The following IL5RA variants were observed in gnomAD, a reference collection of about 807,000 sequenced individuals.
IL5RA encodes interleukin-5 receptor subunit alpha.
In IL5RA, 49 loss-of-function variants were observed where a neutral mutation model predicts 50.0. The ratio of observed to expected loss-of-function variants is 0.98; its 90% CI spans 0.78 to 1.24. The LOEUF (loss-of-function observed/expected upper bound fraction) is 1.24. Ranked by LOEUF, IL5RA falls within the 50% of genes most tolerant of loss-of-function variation. The probability of loss-of-function intolerance (pLI) is 0.00; values close to 1 mark genes in which losing one functional copy is unlikely to be tolerated. For synonymous variants in IL5RA, 202 were observed against 174.0 expected, an observed-to-expected ratio of 1.16 and a Z score of -1.26; for missense variants, 600 against 500.4, an observed-to-expected ratio of 1.20 and a Z score of -1.90.
At chr3:3,081,170 G>A (rs953074525) in intron 9 of IL5RA, among the ~76,000 whole-genome samples, 1 of 152,076 alleles carries the variant, frequency 6.6e-6, no homozygotes, top group African/African-American at 2.4e-5. Flanking sequence ...TTAATACTCC[G>A]TTCTCTGGAT....
At chr3:3,097,538 C>T (rs370186776) in intron 7 of IL5RA, among the ~76,000 whole-genome samples, 3 of 152,102 alleles carry the variant, frequency 2.0e-5, no homozygotes, top group East Asian at 1.9e-4. Flanking sequence ...GAAATTTTAC[C>T]CCTTGAGGGG....
intron 9 of IL5RA, among the ~76,000 whole-genome samples, chr3:3,078,834 CA>C (rs371826442): frequency 0.23 from 30,546 of 135,412 alleles, 3,643 homozygotes; most frequent in Non-Finnish European, 0.31. Context: ...GACTCCGTCT[CA>C]AAAAAAAAAA....
chr3:3,090,570 C>CTTTT (rs35917277), intron 9 of IL5RA, among the ~76,000 whole-genome samples: 5 of 113,680 alleles, frequency 4.4e-5, no homozygotes, highest in Admixed American at 9.1e-5. Flanking sequence ...TCTTTTCTTT[C>CTTTT]TTTTTTTTTT....
At chr3:3,086,806 A>T (rs1200397350) in intron 9 of IL5RA, among the ~76,000 whole-genome samples, 1 of 152,240 alleles carries the variant, frequency 6.6e-6, no homozygotes, top group Non-Finnish European at 1.5e-5. Context: ...AAGATATGGA[A>T]TCCACCTAAG....
At chr3:3,074,734 A>C in intron 11 of IL5RA, 48 bp downstream of exon 11, 2 of 1,084,556 alleles carry the variant, frequency 1.8e-6, no homozygotes, top group Admixed American at 1.8e-5. Flanking sequence ...CTCCCAGGGG[A>C]CTCAACCCTG....
At chr3:3,090,919 C>T (rs1703070912) in intron 9 of IL5RA, among the ~76,000 whole-genome samples, 1 of 152,122 alleles carries the variant, frequency 6.6e-6, no homozygotes, top group Non-Finnish European at 1.5e-5. Flanking sequence ...TACCACATGT[C>T]CTGGGTGTGG....
In IL5RA at chr3:3,069,764, C is replaced by A; in HGVS notation, c.*461G>T. On this transcript the variant is annotated 3_prime_UTR_variant, in exon 12 of 12. Transcript: ENST00000446632. Reference sequence around the variant, plus strand: ...GCTATAGAAAAGACAGTCTTGAATCCAAGTTCATGGTTCACTCCAGGCTGA... The same window carrying A: ...GCTATAGAAAAGACAGTCTTGAATCAAAGTTCATGGTTCACTCCAGGCTGA... 1 of 156,064 alleles carries A rather than the reference C, an allele frequency of 6.4e-6. No homozygotes were observed. Among genetic ancestry groups the A allele is most frequent in the Non-Finnish European group, 1.4e-5 (1 of 70,780 alleles). 9.7% of individuals were successfully genotyped at this position (156,064 alleles called of 1,614,324 possible). A position where few individuals can be genotyped will look rare whatever the true frequency, so the allele number is the denominator to read the frequency against.
chr3:3,095,255 A>T, intron 8 of IL5RA, 44 bp downstream of exon 8: 1 of 1,481,722 alleles, frequency 6.7e-7, no homozygotes, highest in South Asian at 1.2e-5. Context: ...ATGTTTCTAA[A>T]ACAAATGTCT....
intron 11 of IL5RA, among the ~76,000 whole-genome samples, chr3:3,070,574 T>A (rs1026892495): frequency 2.3e-5 from 3 of 130,586 alleles, no homozygotes; most frequent in Non-Finnish European, 4.8e-5. Context: ...TGGATACACA[T>A]CTTTTTTTTT....
chr3:3,097,286 C>CAG (rs1263929400), intron 7 of IL5RA, among the ~76,000 whole-genome samples: 10 of 151,918 alleles, frequency 6.6e-5, no homozygotes, highest in African/African-American at 1.7e-4. Flanking sequence ...GTGAGAAATT[C>CAG]AGAGAGAGAG....
intron 11 of IL5RA, among the ~76,000 whole-genome samples, chr3:3,072,327 A>T (rs1332087903): frequency 6.6e-6 from 1 of 152,180 alleles, no homozygotes; most frequent in Non-Finnish European, 1.5e-5. Context: ...TTTTTATGTG[A>T]AACTCTGCAA....
chr3:3,103,370 G>C (rs537535823), intron 3 of IL5RA, among the ~76,000 whole-genome samples: 1 of 152,234 alleles, frequency 6.6e-6, no homozygotes, highest in East Asian at 1.9e-4. Flanking sequence ...GTATTGGTTT[G>C]TGACCAGAAT....
At chr3:3,090,528 A>G (rs114225098) in intron 9 of IL5RA, among the ~76,000 whole-genome samples, 1 of 150,748 alleles carries the variant, frequency 6.6e-6, no homozygotes, top group Non-Finnish European at 1.5e-5. Context: ...ATAATAGCAA[A>G]CACAGGGTTT....
At chr3:3,104,741 A>G (rs1030846075) in intron 3 of IL5RA, among the ~76,000 whole-genome samples, 162 bp downstream of exon 3, 6 of 152,206 alleles carry the variant, frequency 3.9e-5, no homozygotes, top group African/African-American at 1.4e-4. Flanking sequence ...CTTTCTTAAA[A>G]TATGGCATGT....
intron 4 of IL5RA, among the ~76,000 whole-genome samples, chr3:3,102,223 G>A (rs1373886406): frequency 6.6e-6 from 1 of 152,188 alleles, no homozygotes; most frequent in Admixed American, 6.5e-5. Context: ...TAGCCCCGAG[G>A]TAAAACTGAG....
intron 3 of IL5RA, among the ~76,000 whole-genome samples, chr3:3,103,760 G>C (rs761203008): frequency 6.6e-6 from 1 of 151,338 alleles, no homozygotes; most frequent in Non-Finnish European, 1.5e-5. Context: ...GTACCACTAA[G>C]AATGGAATTA....
At chr3:3,070,575 CTTTTTTTT>C (rs71058670) in intron 11 of IL5RA, among the ~76,000 whole-genome samples, 3 of 84,902 alleles carry the variant, frequency 3.5e-5, no homozygotes, top group African/African-American at 5.4e-5. Context: ...GGATACACAT[CTTTTTTTT>C]TTTTTTTTTT....
chr3:3,091,990 A>G (rs1415380600), intron 9 of IL5RA: 4 of 1,221,334 alleles, frequency 3.3e-6, no homozygotes, highest in Non-Finnish European at 3.1e-6. Flanking sequence ...TGGAAAAAAA[A>G]CAGGCACCAG....
At chr3:3,107,864 TC>T (rs1704002458) in intron 2 of IL5RA, among the ~76,000 whole-genome samples, 1 of 152,206 alleles carries the variant, frequency 6.6e-6, no homozygotes, top group Admixed American at 6.5e-5. Context: ...GCAGTGGATT[TC>T]CCCAGCGTTC....
Sources: gnomAD v4.1 joint callset for allele counts (sites outside exome capture counted in the v4.1 genomes callset) on GRCh38, gnomAD v4.1.1 for gene constraint, MANE v1.5 for transcripts, NCBI Gene and HGNC (gene_info 2026-07-23, HGNC 2026-07-21) for gene names.